GATA4: variants seen among roughly 807,000 people sequenced by gnomAD.
GATA4 encodes GATA binding protein 4, also known as transcription factor GATA-4.
A neutral mutation model predicts 37.9 loss-of-function variants in GATA4; 7 were observed. The observed-to-expected ratio is 0.18, with a 90% CI of 0.11 to 0.35. GATA4 has a LOEUF of 0.35. Among genes scored for constraint, GATA4 ranks in the 10% least tolerant of loss-of-function variants. The pLI is 1.00. For missense variants in GATA4, 647 were observed against 653.0 expected (o/e 0.99, Z 0.10); for synonymous variants, 372 against 292.6 (o/e 1.27, Z -2.77).
At chr8:11,744,521 C>T (rs1013326340) in intron 2 of GATA4, among the ~76,000 whole-genome samples, 4 of 152,124 alleles carry the variant, frequency 2.6e-5, no homozygotes, top group Non-Finnish European at 5.9e-5. Flanking sequence ...CAGTGCCTTT[C>T]GTAGGAAGGA....
intron 2 of GATA4, among the ~76,000 whole-genome samples, chr8:11,724,750 A>T (rs993480409): frequency 9.9e-5 from 15 of 152,200 alleles, no homozygotes; most frequent in African/African-American, 3.6e-4. Context: ...TGCATTGCCC[A>T]CATGGAGGCT....
chr8:11,759,553 G>C lies in GATA4; in HGVS notation c.*1078G>C, dbSNP rs1802787845. ...CTTTTGTCCAGGAGGCAAAAAGCCA[G>C]AGATTCTGCAACACGAATTCGAAGC... On this transcript the variant is annotated 3_prime_UTR_variant, in exon 7 of 7. Transcript: ENST00000532059. 1 of 152,294 alleles carries C rather than the reference G, an allele frequency of 6.6e-6. No individual in the cohort carries two copies. The highest frequency in any genetic ancestry group is 1.5e-5 in the Non-Finnish European group (1 of 68,070). The allele number at this position is 152,294 out of a possible 1,614,324, so 9.4% of individuals were successfully genotyped here.
intron 2 of GATA4, among the ~76,000 whole-genome samples, chr8:11,731,786 A>C (rs1471543582): frequency 3.3e-5 from 5 of 152,258 alleles, no homozygotes; most frequent in African/African-American, 1.2e-4. Context: ...GCAGTGTACA[A>C]GCTTAGTAAG....
At chr8:11,683,338 C>T (rs985939181) in intron 1 of GATA4, among the ~76,000 whole-genome samples, 13 of 152,316 alleles carry the variant, frequency 8.5e-5, no homozygotes, top group African/African-American at 2.4e-4. Flanking sequence ...CAAAACTCAC[C>T]ACTGCGTATT....
At chr8:11,701,994 C>T (rs568290000), upstream of GATA4, among the ~76,000 whole-genome samples, 1 of 152,330 alleles carries the variant, frequency 6.6e-6, no homozygotes, top group South Asian at 2.1e-4. Flanking sequence ...ATCCACAGTA[C>T]AGCCTGTTAT....
intron 2 of GATA4, among the ~76,000 whole-genome samples, chr8:11,725,681 G>A (rs1168138697): frequency 6.6e-6 from 1 of 152,224 alleles, no homozygotes; most frequent in Non-Finnish European, 1.5e-5. Flanking sequence ...GCTGCTGCCT[G>A]CCTGTCGTGG....
intron 4 of GATA4, among the ~76,000 whole-genome samples, chr8:11,751,429 G>C (rs1469057973): frequency 1.3e-5 from 2 of 152,180 alleles, no homozygotes; most frequent in African/African-American, 4.8e-5. Flanking sequence ...GCATATATAC[G>C]TACATGGGGT....
At chr8:11,680,540 C>A (rs568623577) in intron 1 of GATA4, 1 of 985,452 alleles carries the variant, frequency 1.0e-6, no homozygotes, top group African/African-American at 1.7e-5. Flanking sequence ...GTCGCGCCGA[C>A]GTCCTTCGTG....
chr8:11,733,120 A>G (rs1801288881), intron 2 of GATA4, among the ~76,000 whole-genome samples: 2 of 152,204 alleles, frequency 1.3e-5, no homozygotes, highest in South Asian at 4.1e-4. Flanking sequence ...AGGGAGCTAT[A>G]AAGCTTTACT....
rs572183707 is a variant in GATA4, at chr8:11,712,143, T to G, written c.616+3215T>G. 1.1e-4 allele frequency among the ~76,000 whole-genome samples: 17 copies of G among 152,360 alleles called. 2 individuals carry two copies. The South Asian group carries it at 3.5e-3, about 32-fold the overall frequency. Reference sequence around the variant, plus strand: ...GGTAATACTTTTGAAGAATTTGGCTTTAGCCCTTCATAAATGATGGTTATT... The same window carrying G: ...GGTAATACTTTTGAAGAATTTGGCTGTAGCCCTTCATAAATGATGGTTATT... On this transcript the variant is annotated intron_variant, in intron 2 of 6. Transcript: ENST00000532059.
chr8:11,694,663 T>G (rs1275658295), intron 1 of GATA4: 1 of 294,396 alleles, frequency 3.4e-6, no homozygotes, highest in Non-Finnish European at 5.0e-6. Context: ...GTTGTTTTCT[T>G]AGTGTTGGTG....
chr8:11,749,718 T>C lies in GATA4; in HGVS notation c.787-393T>C, dbSNP rs1802200572. 6.6e-6 allele frequency among the ~76,000 whole-genome samples: 1 copy of C among 152,172 alleles called. No homozygotes were observed. Among genetic ancestry groups the C allele is most frequent in the Non-Finnish European group, 1.5e-5 (1 of 68,036 alleles). On this transcript the variant is annotated intron_variant, in intron 3 of 6. Transcript: ENST00000532059. This position sits in a 1 kb window ranked among gnomAD's most constrained non-coding sequence, Gnocchi z 4.6. The stretch of plus-strand genomic sequence containing the variant: ...GGTCCCAGGGCCATTCAGACTTTGA[T>C]ACCATTTGGACACCGTGATTCCTCA...
upstream of GATA4, among the ~76,000 whole-genome samples, chr8:11,699,420 A>G (rs1799599280): frequency 6.6e-6 from 1 of 152,156 alleles, no homozygotes; most frequent in Admixed American, 6.5e-5. Flanking sequence ...TCCCCGAAGA[A>G]AGGGCCCCTT....
chr8:11,737,995 A>T (rs1387992908), intron 2 of GATA4, among the ~76,000 whole-genome samples: 2 of 152,168 alleles, frequency 1.3e-5, no homozygotes, highest in Non-Finnish European at 2.9e-5. Context: ...ACCCTGACCA[A>T]CATGGTGAAA....
intron 2 of GATA4, among the ~76,000 whole-genome samples, chr8:11,725,440 C>A (rs59035560): frequency 2.0e-5 from 3 of 152,374 alleles, no homozygotes; most frequent in African/African-American, 7.2e-5. Context: ...CTTCAGAAGC[C>A]TCCGGCTCCG....
At chr8:11,697,567 G>A (rs1799542525) in intron 1 of GATA4, 1 of 985,320 alleles carries the variant, frequency 1.0e-6, no homozygotes, top group Admixed American at 6.1e-5. Flanking sequence ...CGCCAGGGAA[G>A]CCTGGTCTGT....
intron 1 of GATA4, chr8:11,697,977 T>TA: frequency 1.0e-6 from 1 of 985,448 alleles, no homozygotes; most frequent in Non-Finnish European, 1.2e-6. Flanking sequence ...CGGGTGTCCC[T>TA]ACCATAACCA....
At chr8:11,755,401 C>A (rs1802506883) in intron 5 of GATA4, among the ~76,000 whole-genome samples, 1 of 152,244 alleles carries the variant, frequency 6.6e-6, no homozygotes, top group Non-Finnish European at 1.5e-5. Flanking sequence ...CAGGCTGGAC[C>A]AGCCGAGGTC....
intron 2 of GATA4, among the ~76,000 whole-genome samples, chr8:11,747,019 C>T (rs912232724): frequency 6.6e-6 from 1 of 152,188 alleles, no homozygotes; most frequent in African/African-American, 2.4e-5. Flanking sequence ...GTAGCTGGGC[C>T]ACATAACTAG....
Sources: allele counts gnomAD v4.1 joint callset (sites outside exome capture counted in the v4.1 genomes callset), GRCh38; gene constraint gnomAD v4.1.1; non-coding constraint Gnocchi (gnomAD v3.1); transcripts MANE v1.5; gene names NCBI Gene and HGNC (gene_info 2026-07-23, HGNC 2026-07-21).